Variants in DLGAP1 observed in about 807,000 individuals in gnomAD.
The protein encoded by DLGAP1 is DLG associated protein 1, also known as disks large-associated protein 1.
A neutral mutation model predicts 90.8 loss-of-function variants in DLGAP1; 11 were observed. That is an observed-to-expected ratio of 0.12 (90% confidence interval 0.08 to 0.20). The LOEUF is 0.20. Among genes scored for constraint, DLGAP1 ranks in the 10% least tolerant of loss-of-function variants. The pLI is 1.00. For synonymous variants in DLGAP1, 558 were observed against 540.7 expected, an observed-to-expected ratio of 1.03 and a Z score of -0.44; for missense variants, 1,050 against 1,333.8, an observed-to-expected ratio of 0.79 and a Z score of 3.31.
At chr18:4,143,980 T>G (rs951092628) in intron 2 of DLGAP1, among the ~76,000 whole-genome samples, 2 of 152,174 alleles carry the variant, frequency 1.3e-5, no homozygotes, top group Non-Finnish European at 2.9e-5. Context: ...GTATCTAAGA[T>G]GCAAGACAAA....
chr18:3,631,177 T>C (rs1426399356), intron 7 of DLGAP1, among the ~76,000 whole-genome samples: 1 of 151,528 alleles, frequency 6.6e-6, no homozygotes, highest in East Asian at 2.0e-4. Context: ...AGAGATGGGG[T>C]TTCACCATGT....
chr18:4,058,592 C>T (rs1390143088), intron 2 of DLGAP1, among the ~76,000 whole-genome samples: 2 of 152,338 alleles, frequency 1.3e-5, no homozygotes, highest in Non-Finnish European at 2.9e-5. Context: ...TTTATGAGCA[C>T]TTACCCCAAT....
chr18:3,867,791 T>C (rs927315139), intron 4 of DLGAP1, among the ~76,000 whole-genome samples: 2 of 152,248 alleles, frequency 1.3e-5, no homozygotes, highest in Admixed American at 6.5e-5. Context: ...TTTTATTTTT[T>C]GTTTTTATAG....
chr18:4,249,337 T>C (rs2078726990), intron 1 of DLGAP1, among the ~76,000 whole-genome samples: 1 of 151,884 alleles, frequency 6.6e-6, no homozygotes, highest in African/African-American at 2.4e-5. Context: ...TGGAATTTTG[T>C]TTTTTAAAAT....
At chr18:4,370,361 G>A (rs1473652678) in intron 1 of DLGAP1, among the ~76,000 whole-genome samples, 4 of 152,122 alleles carry the variant, frequency 2.6e-5, no homozygotes, top group Non-Finnish European at 1.5e-5. Flanking sequence ...TTGAATATGG[G>A]GGTTTGGAGC....
chr18:4,101,839 T>A (rs965317223), intron 2 of DLGAP1, among the ~76,000 whole-genome samples: 2 of 151,870 alleles, frequency 1.3e-5, no homozygotes, highest in Non-Finnish European at 2.9e-5. Context: ...TATATATGTA[T>A]AAATCCATAT....
At chr18:4,405,964 C>T (rs922629539) in intron 1 of DLGAP1, among the ~76,000 whole-genome samples, 5 of 152,182 alleles carry the variant, frequency 3.3e-5, no homozygotes, top group African/African-American at 7.2e-5. Context: ...ACAATGTGGG[C>T]GCAGGCTCAG....
intron 4 of DLGAP1, among the ~76,000 whole-genome samples, chr18:3,875,937 T>C (rs1285550000): frequency 6.6e-6 from 1 of 151,900 alleles, no homozygotes; most frequent in African/African-American, 2.4e-5. Flanking sequence ...AGAAGAATAG[T>C]GCTTTGCCTA....
chr18:4,191,113 T>C (rs1205846797), intron 1 of DLGAP1, among the ~76,000 whole-genome samples: 5 of 152,132 alleles, frequency 3.3e-5, no homozygotes, highest in African/African-American at 9.7e-5. Context: ...CTGAAATTGA[T>C]TTTTTTCCTT....
At chr18:4,431,376 T>C (rs2083282616) in intron 1 of DLGAP1, among the ~76,000 whole-genome samples, 1 of 152,232 alleles carries the variant, frequency 6.6e-6, no homozygotes, top group South Asian at 2.1e-4. Flanking sequence ...TGGAAGTTAT[T>C]GTAAATTAGC....
At chr18:3,500,305 C>T (rs2049863071) in intron 12 of DLGAP1, among the ~76,000 whole-genome samples, 1 of 152,008 alleles carries the variant, frequency 6.6e-6, no homozygotes, top group South Asian at 2.1e-4. Flanking sequence ...GGCGTCTAGA[C>T]CACAAAGGAT....
chr18:3,718,999 C>A (rs901614129), intron 7 of DLGAP1, among the ~76,000 whole-genome samples: 1 of 150,202 alleles, frequency 6.7e-6, no homozygotes, highest in Non-Finnish European at 1.5e-5. Flanking sequence ...AAAATACAAG[C>A]AAATCCAATA....
At chr18:4,307,709 C>CA (rs1287918574) in intron 1 of DLGAP1, among the ~76,000 whole-genome samples, 1 of 107,212 alleles carries the variant, frequency 9.3e-6, no homozygotes, top group African/African-American at 3.5e-5. Context: ...TGAGGGTTTA[C>CA]TTTTTTTTTT....
chr18:4,401,081 G>T (rs1053578612), intron 1 of DLGAP1, among the ~76,000 whole-genome samples: 6 of 152,142 alleles, frequency 3.9e-5, no homozygotes, highest in African/African-American at 1.4e-4. Flanking sequence ...AAGTCATGCA[G>T]GAAACAGGAA....
At chr18:3,760,701 T>A (rs1281055396) in intron 5 of DLGAP1, among the ~76,000 whole-genome samples, 4 of 152,180 alleles carry the variant, frequency 2.6e-5, no homozygotes, top group Non-Finnish European at 5.9e-5. Flanking sequence ...GCTGCCAGTT[T>A]TATAAAAACA....
chr18:3,909,624 CTT>C (rs992453424), intron 3 of DLGAP1, among the ~76,000 whole-genome samples: 1 of 152,178 alleles, frequency 6.6e-6, no homozygotes, highest in Non-Finnish European at 1.5e-5. Context: ...CTCTCTTTCT[CTT>C]TCTCTTGATT....
intron 9 of DLGAP1, among the ~76,000 whole-genome samples, chr18:3,536,705 C>T (rs188336237): frequency 6.6e-6 from 1 of 152,258 alleles, no homozygotes; most frequent in Non-Finnish European, 1.5e-5. Flanking sequence ...ACAGTTCTAG[C>T]GAGGTGATGA....
intron 3 of DLGAP1, among the ~76,000 whole-genome samples, chr18:3,964,423 GACA>G (rs2073276244): frequency 6.6e-6 from 1 of 152,180 alleles, no homozygotes; most frequent in Non-Finnish European, 1.5e-5. Flanking sequence ...GTGGTGAGAA[GACA>G]ACGAGTTTGG....
At chr18:3,539,236 C>T (rs558052297) in intron 9 of DLGAP1, among the ~76,000 whole-genome samples, 226 of 152,178 alleles carry the variant, frequency 1.5e-3, no homozygotes, top group Non-Finnish European at 2.5e-3. Context: ...AAATGAGGTC[C>T]CTAGATTAAT....
Sources: allele counts gnomAD v4.1 joint callset (sites outside exome capture counted in the v4.1 genomes callset), GRCh38; gene constraint gnomAD v4.1.1; transcripts MANE v1.5; gene names NCBI Gene and HGNC (gene_info 2026-07-23, HGNC 2026-07-21).